TRDN: variants seen among roughly 807,000 people sequenced by gnomAD.
TRDN encodes triadin in skeletal muscle.
TRDN carries 161 observed loss-of-function variants against 149.7 expected under a neutral mutation model. The observed-to-expected ratio is 1.08, with a 90% CI of 0.95 to 1.23. The LOEUF (loss-of-function observed/expected upper bound fraction) is 1.23, where lower values mean the gene tolerates loss of function less well. Among genes scored for constraint, TRDN ranks in the 50% most tolerant of loss-of-function variants. TRDN has a pLI of 0.00. For synonymous variants in TRDN, 294 were observed against 250.5 expected, an observed-to-expected ratio of 1.17 and a Z score of -1.64; for missense variants, 896 against 823.5, an observed-to-expected ratio of 1.09 and a Z score of -1.08.
intron 15 of TRDN, among the ~76,000 whole-genome samples, 162 bp downstream of exon 15, chr6:123,381,956 G>GCTCTCTCTCTCT (rs55997261): frequency 7.6e-4 from 105 of 138,506 alleles, no homozygotes; most frequent in African/African-American, 2.1e-3. Flanking sequence ...TAGATTTGGC[G>GCTCTCTCTCTCT]CTCTCTCTCT....
chr6:123,228,553 G>A lies in TRDN; in HGVS notation c.1976-4422C>T, dbSNP rs574351169. On this transcript the variant is annotated intron_variant, in intron 38 of 40. Coordinates refer to ENST00000334268, the MANE Select transcript of TRDN (RefSeq NM_006073.4). ...TTTATAAAACCCTCAGATCTCCTGA[G>A]AACGTACTCACTATTGTGAGAATAG... 2.0e-5 allele frequency among the ~76,000 whole-genome samples: 3 copies of A among 151,962 alleles called. No homozygotes were observed. In the South Asian group the frequency reaches 6.2e-4, roughly 31 times the overall value.
chr6:123,369,650 T>C (rs1028865026), intron 19 of TRDN, among the ~76,000 whole-genome samples: 1 of 152,180 alleles, frequency 6.6e-6, no homozygotes, highest in Non-Finnish European at 1.5e-5. Flanking sequence ...AAGCTGCTGT[T>C]GAGAAATTCA....
intron 2 of TRDN, among the ~76,000 whole-genome samples, chr6:123,554,337 A>G (rs1045258776): frequency 7.9e-5 from 12 of 152,290 alleles, no homozygotes; most frequent in African/African-American, 2.9e-4. Context: ...AGCACTGATT[A>G]TGTACAATAT....
intron 2 of TRDN, among the ~76,000 whole-genome samples, chr6:123,554,898 A>G (rs895339953): frequency 6.6e-5 from 10 of 152,190 alleles, no homozygotes; most frequent in Non-Finnish European, 1.5e-4. Context: ...GTCTGGCATT[A>G]TTTGTTAATA....
At chr6:123,327,655 C>T (rs928686395) in intron 23 of TRDN, among the ~76,000 whole-genome samples, 1 of 151,982 alleles carries the variant, frequency 6.6e-6, no homozygotes, top group Non-Finnish European at 1.5e-5. Context: ...TTTAGGAATG[C>T]TAAACATTAA....
rs1244362375 is a variant in TRDN, at chr6:123,217,201, T to C, written c.*1400A>G. ...TTTCACAAAAGTCTCCAAAAATGCA[T>C]TATTAGTAATGAATGTATTACTGAT... On this transcript the variant is annotated 3_prime_UTR_variant, in exon 41 of 41. Transcript: ENST00000334268. The C allele has an allele frequency of 6.6e-6, 1 of 151,984 alleles. No individual in the cohort carries two copies. Among genetic ancestry groups the C allele is most frequent in the Non-Finnish European group, 1.5e-5 (1 of 67,942 alleles). 9.4% of individuals were successfully genotyped at this position (151,984 alleles called of 1,614,324 possible).
At chr6:123,562,943 T>C (rs1475318038) in intron 2 of TRDN, among the ~76,000 whole-genome samples, 1 of 152,196 alleles carries the variant, frequency 6.6e-6, no homozygotes, top group East Asian at 1.9e-4. Context: ...CTTTTCAATA[T>C]CTGAGGCATG....
chr6:123,620,288 C>T (rs1354789514), intron 1 of TRDN, among the ~76,000 whole-genome samples: 6 of 152,164 alleles, frequency 3.9e-5, no homozygotes, highest in Non-Finnish European at 7.3e-5. Flanking sequence ...TCTCCTCTTA[C>T]AGTTTATGAT....
intron 20 of TRDN, among the ~76,000 whole-genome samples, chr6:123,359,927 C>G (rs2114333034): frequency 6.6e-6 from 1 of 152,190 alleles, no homozygotes; most frequent in South Asian, 2.1e-4. Context: ...GATCTCCTGA[C>G]CTCATGATCC....
chr6:123,513,240 T>C (rs1412014853), intron 6 of TRDN, among the ~76,000 whole-genome samples: 1 of 152,140 alleles, frequency 6.6e-6, no homozygotes, highest in Non-Finnish European at 1.5e-5. Flanking sequence ...AAAGGAGCAT[T>C]ATGCTAGGCT....
intron 1 of TRDN, among the ~76,000 whole-genome samples, chr6:123,594,440 C>T (rs573058044): frequency 5.9e-5 from 9 of 152,084 alleles, no homozygotes; most frequent in African/African-American, 1.7e-4. Flanking sequence ...GAAAGCTCTA[C>T]TATAGGTTGT....
At chr6:123,230,408 G>A (rs1165500183) in intron 38 of TRDN, among the ~76,000 whole-genome samples, 1 of 151,642 alleles carries the variant, frequency 6.6e-6, no homozygotes, top group Non-Finnish European at 1.5e-5. Flanking sequence ...GAGGGGGGAG[G>A]GATAGTATTA....
At chr6:123,426,887 T>C (rs1387996820) in intron 12 of TRDN, among the ~76,000 whole-genome samples, 3 of 152,124 alleles carry the variant, frequency 2.0e-5, no homozygotes, top group Non-Finnish European at 4.4e-5. Context: ...CAAGGCTCCT[T>C]TAACTACTTA....
intron 9 of TRDN, chr6:123,469,863 C>T (rs913429055): frequency 9.2e-5 from 14 of 152,276 alleles, no homozygotes; most frequent in African/African-American, 2.2e-4. Context: ...AAAACAAAAA[C>T]GTTCTCAGCA....
chr6:123,320,088 A>G (rs957133067), intron 23 of TRDN, among the ~76,000 whole-genome samples: 5 of 152,020 alleles, frequency 3.3e-5, no homozygotes, highest in Non-Finnish European at 7.4e-5. Context: ...GAATGCCTCT[A>G]TTTTAAGTAC....
chr6:123,552,199 A>T (rs1184035532), intron 2 of TRDN, among the ~76,000 whole-genome samples: 1 of 152,062 alleles, frequency 6.6e-6, no homozygotes, highest in South Asian at 2.1e-4. Flanking sequence ...TGCCGGGAAA[A>T]CTGCTTTAGG....
intron 38 of TRDN, among the ~76,000 whole-genome samples, chr6:123,227,743 T>G (rs1047923243): frequency 2.0e-5 from 3 of 151,428 alleles, no homozygotes; most frequent in Non-Finnish European, 4.4e-5. Flanking sequence ...GTTTGTTTGT[T>G]TGTTTGTTTT....
intron 12 of TRDN, among the ~76,000 whole-genome samples, chr6:123,433,180 T>TATATATAC (rs1562310483): frequency 1.5e-5 from 2 of 133,452 alleles, no homozygotes; most frequent in African/African-American, 2.8e-5. Context: ...TATATATATA[T>TATATATAC]ATACATCACA....
chr6:123,398,469 T>A (rs1772825964), intron 12 of TRDN, among the ~76,000 whole-genome samples: 1 of 152,208 alleles, frequency 6.6e-6, no homozygotes, highest in Non-Finnish European at 1.5e-5. Context: ...ATTTTTTGCA[T>A]AAGATAGTGG....
Sources: gnomAD v4.1 joint callset for allele counts (sites outside exome capture counted in the v4.1 genomes callset) on GRCh38, gnomAD v4.1.1 for gene constraint, MANE v1.5 for transcripts, NCBI Gene and HGNC (gene_info 2026-07-23, HGNC 2026-07-21) for gene names.